NCOR2: variants seen among roughly 807,000 people sequenced by gnomAD.
NCOR2 encodes the protein nuclear receptor corepressor 2.
A neutral mutation model predicts 262.9 loss-of-function variants in NCOR2; 81 were observed. That is an observed-to-expected ratio of 0.31 (90% CI 0.26 to 0.37). NCOR2 has a LOEUF of 0.37. NCOR2 is among the 10% of genes least tolerant of loss of function. The pLI, the probability that NCOR2 is intolerant of heterozygous loss-of-function variation, is 1.00. For missense variants in NCOR2, 3,385 were observed against 3,621.4 expected, an observed-to-expected ratio of 0.93 and a Z score of 1.68; for synonymous variants, 1,659 against 1,559.3, an observed-to-expected ratio of 1.06 and a Z score of -1.51.
At position 124,344,638 on chromosome 12, in the gene NCOR2, G is replaced by T; in HGVS notation, c.4673C>A (p.Ser1558Ter). 6.8e-7 allele frequency: 1 copy of T among 1,473,868 alleles called. No individual in the cohort carries two copies. The highest frequency in any genetic ancestry group is 9.1e-7 in the Non-Finnish European group (1 of 1,104,776). 91.3% of individuals were successfully genotyped at this position (1,473,868 alleles called of 1,614,324 possible). ...CGTGGGCTCCCGCGTGGTCACGGGCGAACCTCGTGGGAGGTGGCCGGCAAA... is the reference window on the plus strand; with the variant it reads ...CGTGGGCTCCCGCGTGGTCACGGGCTAACCTCGTGGGAGGTGGCCGGCAAA... Residue 1558 changes from serine (S) to a stop codon, truncating the protein, a stop_gained, in exon 32 of 47, where the codon TCG (serine) becomes TAG (stop). Coordinates refer to ENST00000405201, the Ensembl canonical transcript of NCOR2. LOFTEE classifies it high-confidence loss of function.
intron 1 of NCOR2, among the ~76,000 whole-genome samples, chr12:124,506,593 C>T (rs773166423): frequency 6.0e-5 from 9 of 150,264 alleles, no homozygotes; most frequent in South Asian, 2.1e-4. Context: ...AAGCCCTGCA[C>T]GGGGAGCGGC....
At chr12:124,445,962 C>T (rs1054146636) in intron 7 of NCOR2, among the ~76,000 whole-genome samples, 2 of 152,252 alleles carry the variant, frequency 1.3e-5, no homozygotes, top group Non-Finnish European at 1.5e-5. Context: ...CAGGGACACA[C>T]AGCTAGTCAA....
rs543245239 is a variant in NCOR2, at chr12:124,422,514, A to C, written c.1370T>G (p.Phe457Cys). Residue 457 changes from phenylalanine (F) to cysteine (C), a missense_variant, in exon 12 of 47, where the codon TTC becomes TGC. Phe to Cys is a radical substitution (Grantham distance 205, BLOSUM62 -2). Coordinates refer to ENST00000405201, the Ensembl canonical transcript of NCOR2. The stretch of plus-strand genomic sequence containing the variant: ...GCAGCGACTCACCTTCCTCTCCAGG[A>C]ATGATGCGATCAGGCCAAAGTTCTT... 7.4e-6 allele frequency: 12 copies of C among 1,614,084 alleles called. No homozygotes were observed. In the South Asian group the frequency reaches 1.3e-4, roughly 18 times the overall value.
intron 1 of NCOR2, chr12:124,529,630 C>A (rs930476769): frequency 1.3e-5 from 2 of 152,296 alleles, no homozygotes; most frequent in African/African-American, 4.8e-5. Context: ...AAGGAAAACA[C>A]AGAGCTAGCG....
intron 2 of NCOR2, among the ~76,000 whole-genome samples, chr12:124,484,476 A>G (rs1431464412): frequency 3.3e-5 from 5 of 152,174 alleles, no homozygotes; most frequent in Admixed American, 2.0e-4. Flanking sequence ...GGCTCCAACC[A>G]TCACCCACCA....
At chr12:124,429,327 C>G (rs1177817665) in intron 10 of NCOR2, 1 of 463,172 alleles carries the variant, frequency 2.2e-6, no homozygotes, top group East Asian at 3.8e-5. Flanking sequence ...GGGTCCTCGT[C>G]CCCCAACCCC....
chr12:124,354,543 C>T (rs748921061), exon 26 of NCOR2: 24 of 1,598,010 alleles, frequency 1.5e-5, no homozygotes, highest in African/African-American at 2.7e-5. Flanking sequence ...AGCCTGGCCC[C>T]GTGGGGACAG....
At position 124,432,856 on chromosome 12, in the gene NCOR2, C is replaced by T. The variant is rs557235941; in HGVS notation, c.883-2069G>A. On this transcript the variant is annotated intron_variant, in intron 8 of 46. Transcript: ENST00000405201. The surrounding 1 kb of genome is among the most constrained non-coding windows in gnomAD (Gnocchi z 5.1). ...TCTCCAAGGTGACTTGAGCAAGTGGCGGCGGGGGGCGGGGGGTGGGGGCGG... is the reference window on the plus strand; with the variant it reads ...TCTCCAAGGTGACTTGAGCAAGTGGTGGCGGGGGGCGGGGGGTGGGGGCGG... Among the ~76,000 whole-genome samples the T allele has an allele frequency of 3.8e-4, 13 of 34,344 alleles. 2 individuals carry two copies. The South Asian group carries it at 9.2e-3, about 24-fold the overall frequency. 22.5% of individuals were successfully genotyped at this position (34,344 alleles called of 152,430 possible).
chr12:124,350,689 C>T lies in NCOR2; in HGVS notation c.3742G>A (p.Gly1248Ser), dbSNP rs777238561. The T allele has an allele frequency of 1.2e-5, 19 of 1,613,438 alleles. No individual in the cohort carries two copies. The East Asian group carries it at 2.0e-4, about 17-fold the overall frequency. Residue 1248 changes from glycine (G) to serine (S), a missense_variant, in exon 28 of 47, where the codon GGC becomes AGC. Around this residue, in one of 5 missense-constraint regions of NCOR2, gnomAD observed 1,615 missense variants for 1,626.9 expected, o/e 0.99. Transcript: ENST00000405201. ...TCCAAGCGACTCGGGCTGTCCTCGC[C>T]GATGATCCTGGTGATGGTGCCCTTG... is the stretch of plus-strand genomic sequence containing the variant.
intron 11 of NCOR2, 106 bp downstream of exon 13, chr12:124,426,516 G>T: frequency 8.8e-7 from 1 of 1,139,872 alleles, no homozygotes; most frequent in African/African-American, 1.6e-5. Context: ...GCGGTTTTAA[G>T]CACCCCCCGG....
rs2040754315 is a variant in NCOR2 at position 124,385,667 on chromosome 12, G to A, written c.2019+78C>T. 3.8e-6 allele frequency: 6 copies of A among 1,565,970 alleles called. No homozygotes were observed. The Admixed American group carries it at 6.9e-5, about 18-fold the overall frequency. On this transcript the variant is annotated intron_variant, in intron 17 of 46. Coordinates refer to ENST00000405201, the Ensembl canonical transcript of NCOR2. ...CTCCCTGGCCCATGCCTCCTGGGGT[G>A]CAGAGACATCTCCTGAGGCAGTCTG...
At position 124,443,945 on chromosome 12, in the gene NCOR2, G is replaced by C. The variant is rs78538103; in HGVS notation, c.815+5870C>G. Among the ~76,000 whole-genome samples the C allele has an allele frequency of 4.9e-3, 750 of 152,172 alleles. 7 individuals carry two copies. Among genetic ancestry groups the C allele is most frequent in the African/African-American group, 0.017 (722 of 41,510 alleles). The stretch of plus-strand genomic sequence containing the variant: ...CCACAGGCTGGGAAACTGAGGCTTG[G>C]CTGCTCCTTTCAAAGGTCGCCCAGC... On this transcript the variant is annotated intron_variant, in intron 7 of 46. Transcript: ENST00000405201. This position sits in a 1 kb window ranked among gnomAD's most constrained non-coding sequence, Gnocchi z 4.4.
chr12:124,410,846 C>T (rs533063102), intron 13 of NCOR2, among the ~76,000 whole-genome samples: 247 of 152,196 alleles, frequency 1.6e-3, no homozygotes, highest in Middle Eastern at 3.4e-3. Flanking sequence ...GCAAACTGTC[C>T]GAGTGCCACA....
intron 1 of NCOR2, among the ~76,000 whole-genome samples, chr12:124,494,328 C>T (rs138832990): frequency 6.6e-6 from 1 of 152,220 alleles, no homozygotes; most frequent in East Asian, 1.9e-4. Context: ...GCCAGGAGGT[C>T]ACAAGGGGGA....
At chr12:124,492,235 C>T (rs1216822301) in intron 1 of NCOR2, among the ~76,000 whole-genome samples, 1 of 152,226 alleles carries the variant, frequency 6.6e-6, no homozygotes, top group African/African-American at 2.4e-5. Context: ...AAAGAGATGA[C>T]TACCCCGCGC....
At chr12:124,492,793 A>G (rs2048164352) in intron 1 of NCOR2, among the ~76,000 whole-genome samples, 1 of 152,208 alleles carries the variant, frequency 6.6e-6, no homozygotes, top group East Asian at 1.9e-4. Flanking sequence ...TCCAACCCAC[A>G]GCAAGAAAGC....
chr12:124,453,952 G>C (rs1472292208), intron 6 of NCOR2, among the ~76,000 whole-genome samples: 1 of 152,204 alleles, frequency 6.6e-6, no homozygotes, highest in Non-Finnish European at 1.5e-5. Flanking sequence ...AGGGGCGTTG[G>C]AACTGCAGCT....
intron 27 of NCOR2, among the ~76,000 whole-genome samples, chr12:124,351,966 G>A (rs547247838): frequency 6.6e-6 from 1 of 152,196 alleles, no homozygotes; most frequent in Admixed American, 6.5e-5. Flanking sequence ...GGCAGCACCT[G>A]GTACCCCGGG....
At chr12:124,338,844 C>T (rs914016378) in intron 37 of NCOR2, among the ~76,000 whole-genome samples, 1 of 152,024 alleles carries the variant, frequency 6.6e-6, no homozygotes, top group Non-Finnish European at 1.5e-5. Flanking sequence ...CCTCCATCCA[C>T]TCATCCCCAC....
Sources: gnomAD v4.1 joint callset for allele counts (sites outside exome capture counted in the v4.1 genomes callset) on GRCh38, gnomAD v4.1.1 for gene constraint, gnomAD v4.1.1 regional missense constraint, Gnocchi (gnomAD v3.1) non-coding constraint, MANE v1.5 for transcripts, NCBI Gene and HGNC (gene_info 2026-07-23, HGNC 2026-07-21) for gene names.